The following MFSD8 variants were observed in gnomAD, a reference collection of about 807,000 sequenced individuals.
The protein encoded by MFSD8 is major facilitator superfamily domain containing 8.
In MFSD8, 55 loss-of-function variants were observed where a neutral mutation model predicts 66.4. The ratio of observed to expected loss-of-function variants is 0.83; its 90% CI spans 0.67 to 1.04. MFSD8 has a LOEUF of 1.04. MFSD8 is among the 50% of genes least tolerant of loss of function. MFSD8 has a pLI of 0.00. For missense variants in MFSD8, 550 were observed against 627.6 expected (o/e 0.88, Z 1.32); for synonymous variants, 202 against 212.8 (o/e 0.95, Z 0.44).
Position 127,957,600 on chromosome 4 carries a change from T to C in MFSD8, c.63-8A>G, listed in dbSNP as rs751480930. The C allele has an allele frequency of 1.3e-6, 2 of 1,585,348 alleles. No homozygotes were observed. The highest frequency in any genetic ancestry group is 1.7e-6 in the Non-Finnish European group (2 of 1,156,292). ...TCTAAAATGTCCCATTCTCTAGGTG[T>C]AAAGAAGAAAAAAGTAGTATAAATT... On this transcript the variant is annotated splice_polypyrimidine_tract_variant and splice_region_variant and intron_variant, in intron 1 of 11. Transcript: ENST00000641686.
At chr4:127,945,244 G>C (rs1036587979) in intron 3 of MFSD8, 1 of 152,096 alleles carries the variant, frequency 6.6e-6, no homozygotes, top group Non-Finnish European at 1.5e-5. Flanking sequence ...ATATAGATAA[G>C]TGGTAGAACA....
intron 8 of MFSD8, among the ~76,000 whole-genome samples, chr4:127,931,267 T>C (rs1325631016): frequency 6.6e-6 from 1 of 152,232 alleles, no homozygotes; most frequent in Non-Finnish European, 1.5e-5. Flanking sequence ...TGTCTCTTCC[T>C]TTATATGACT....
At chr4:127,930,893 A>C in intron 8 of MFSD8, 76 bp from the exon 9 acceptor site, 5 of 1,361,356 alleles carry the variant, frequency 3.7e-6, no homozygotes, top group Non-Finnish European at 4.0e-6. Context: ...GTAAGTTTTA[A>C]TAACGACATC....
Position 127,920,718 on chromosome 4 carries a change from C to G in MFSD8, c.1469G>C (p.Gly490Ala), listed in dbSNP as rs561194518. The change falls in exon 12 of 12, where the codon GGA becomes GCA. Residue 490 changes from glycine to alanine, a missense_variant. Physicochemically the swap from Gly to Ala is moderately conservative, Grantham distance 60. Coordinates refer to ENST00000641686, the MANE Select transcript of MFSD8 (RefSeq NM_001371596.2). The stretch of plus-strand genomic sequence containing the variant: ...GAGGGTGATGGTGAGCACTATTATT[C>G]CACACACCAGGCTGAATGCCCATCG... ...GPRWAFSLVC[G>A]IIVLTITLLG... The G allele has an allele frequency of 6.2e-7, 1 of 1,614,022 alleles. No homozygotes were observed. The highest frequency in any genetic ancestry group is 2.2e-5 in the East Asian group (1 of 44,870).
chr4:127,957,500 C>A lies in MFSD8; in HGVS notation c.154+1G>T. The stretch of plus-strand genomic sequence containing the variant: ...TAAAATTATGTATTTCTAATACTTA[C>A]CTACACTGCTGAGAAACATAGTAAG... On this transcript the variant is annotated splice_donor_variant, in intron 2 of 11. Coordinates refer to ENST00000641686, the MANE Select transcript of MFSD8 (RefSeq NM_001371596.2). LOFTEE classifies it high-confidence loss of function. 1 of 1,586,848 alleles carries A rather than the reference C, an allele frequency of 6.3e-7. No homozygotes were observed. Among genetic ancestry groups the A allele is most frequent in the Non-Finnish European group, 8.7e-7 (1 of 1,155,946 alleles).
intron 9 of MFSD8, among the ~76,000 whole-genome samples, chr4:127,928,431 CT>C (rs1420601530): frequency 6.6e-6 from 1 of 152,068 alleles, no homozygotes; most frequent in Non-Finnish European, 1.5e-5. Flanking sequence ...CAAAATGATT[CT>C]TTTAAACAGT....
At position 127,955,539 on chromosome 4, in the gene MFSD8, C is replaced by CAAA. The variant is rs34570244; in HGVS notation, c.154+1959_154+1961dup. On this transcript the variant is annotated intron_variant, in intron 2 of 11. Transcript: ENST00000641686. ...TGGACGACAGAGCGAGACTTTGTCT[C>CAAA]AAAAAAAAAAAAAAAAAAAATGTGG... Among the ~76,000 whole-genome samples the CAAA allele has an allele frequency of 8.8e-3, 900 of 102,570 alleles. 12 individuals carry two copies. Among genetic ancestry groups the CAAA allele is most frequent in the African/African-American group, 0.027 (772 of 28,234 alleles). The allele number at this position is 102,570 out of a possible 152,430, so 67.3% of individuals were successfully genotyped here. A position where few individuals can be genotyped will look rare whatever the true frequency, so the allele number is the denominator to read the frequency against.
intron 1 of MFSD8, among the ~76,000 whole-genome samples, chr4:127,960,975 C>A (rs1329025222): frequency 6.6e-6 from 1 of 152,084 alleles, no homozygotes; most frequent in Non-Finnish European, 1.5e-5. Flanking sequence ...TTTCCCCTTG[C>A]CCTAAACAAG....
rs1736018859 is a variant in MFSD8, at chr4:127,918,185, A to G, written c.*2445T>C. On this transcript the variant is annotated 3_prime_UTR_variant, in exon 12 of 12. Transcript: ENST00000641686. Reference sequence around the variant, plus strand: ...AAATATGTACTACTCTTAACAATATATCATACCTTAAAATCTCCTGTTGTC... The same window carrying G: ...AAATATGTACTACTCTTAACAATATGTCATACCTTAAAATCTCCTGTTGTC... The G allele has an allele frequency of 6.6e-6, 1 of 152,244 alleles. No individual in the cohort carries two copies. 9.4% of individuals were successfully genotyped at this position (152,244 alleles called of 1,614,324 possible).
chr4:127,942,323 A>T (rs567622260), intron 4 of MFSD8, among the ~76,000 whole-genome samples, 165 bp from the exon 5 acceptor site: 1 of 152,330 alleles, frequency 6.6e-6, no homozygotes, highest in African/African-American at 2.4e-5. Flanking sequence ...TATTAAGCAA[A>T]TGCATCAATT....
chr4:127,957,382 T>G, intron 2 of MFSD8, 119 bp downstream of exon 2: 2 of 754,506 alleles, frequency 2.7e-6, no homozygotes, highest in Non-Finnish European at 4.5e-6. Context: ...TAAATTTATG[T>G]CACGTATTTT....
intron 2 of MFSD8, among the ~76,000 whole-genome samples, chr4:127,950,647 C>T (rs1190695398): frequency 3.3e-5 from 5 of 151,658 alleles, no homozygotes; most frequent in Admixed American, 1.3e-4. Context: ...GAGCCAACAT[C>T]GCACCACTGC....
At chr4:127,947,577 CAAAAAAAA>C (rs995388172) in intron 3 of MFSD8, among the ~76,000 whole-genome samples, 6 of 56,804 alleles carry the variant, frequency 1.1e-4, no homozygotes, top group African/African-American at 3.7e-4. Flanking sequence ...GACTCCATTG[CAAAAAAAA>C]AAAAAAAAAC....
chr4:127,964,516 G>A (rs1442940777), intron 1 of MFSD8: 1 of 165,116 alleles, frequency 6.1e-6, no homozygotes, highest in Non-Finnish European at 1.3e-5. Flanking sequence ...CGGCAGGGCC[G>A]GCCTGCTGCT....
chr4:127,942,956 T>C (rs771009807), intron 4 of MFSD8, among the ~76,000 whole-genome samples: 23 of 152,176 alleles, frequency 1.5e-4, no homozygotes, highest in Middle Eastern at 3.4e-3. Context: ...TGGTGGCTCA[T>C]GCCTGTAATC....
chr4:127,961,650 T>C (rs1743766611), intron 1 of MFSD8, among the ~76,000 whole-genome samples: 1 of 151,720 alleles, frequency 6.6e-6, no homozygotes, highest in Non-Finnish European at 1.5e-5. Flanking sequence ...CCGTCTCTAC[T>C]AAAAATACAA....
intron 9 of MFSD8, among the ~76,000 whole-genome samples, chr4:127,928,346 T>C (rs571519551): frequency 3.9e-5 from 6 of 152,278 alleles, no homozygotes; most frequent in African/African-American, 1.4e-4. Context: ...CTCGAACTGC[T>C]GACCCCAAAT....
In MFSD8 at chr4:127,927,185, T is replaced by G. The variant is rs569170753; in HGVS notation, c.998+3498A>C. ...TAGGTGTATTAAATGTTTTTTTTTT[T>G]TTGTTTTTCGCTTTTTTTGAGATGG... On this transcript the variant is annotated intron_variant, in intron 9 of 11. Coordinates refer to ENST00000641686, the MANE Select transcript of MFSD8 (RefSeq NM_001371596.2). Among the ~76,000 whole-genome samples, 810 of 152,184 alleles carry G rather than the reference T, an allele frequency of 5.3e-3. 5 individuals carry two copies. The highest frequency in any genetic ancestry group is 0.018 in the African/African-American group (756 of 41,538).
At chr4:127,940,084 G>A (rs1229496791) in intron 5 of MFSD8, 87 bp from the exon 6 acceptor site, 2 of 1,244,480 alleles carry the variant, frequency 1.6e-6, no homozygotes, top group African/African-American at 1.5e-5. Context: ...ACAGAATTGG[G>A]AACAATGTTA....
Sources: gnomAD v4.1 joint callset for allele counts (sites outside exome capture counted in the v4.1 genomes callset) on GRCh38, gnomAD v4.1.1 for gene constraint, MANE v1.5 for transcripts, NCBI Gene and HGNC (gene_info 2026-07-23, HGNC 2026-07-21) for gene names.